The following LONP2 variants were observed in gnomAD, a reference collection of about 807,000 sequenced individuals.
LONP2 encodes the protein lon peptidase 2, peroxisomal.
Under a neutral mutation model 85.6 loss-of-function variants are expected in LONP2, and 60 were observed. The observed-to-expected ratio is 0.70, with a 90% confidence interval of 0.57 to 0.87. The LOEUF (loss-of-function observed/expected upper bound fraction) is 0.87. Ranked by LOEUF, LONP2 falls within the 40% of genes least tolerant of loss-of-function variation. LONP2 has a pLI of 0.00. For synonymous variants in LONP2, 395 were observed against 389.7 expected (o/e 1.01, Z -0.16); for missense variants, 860 against 1,063.5 (o/e 0.81, Z 2.66).
chr16:48,362,095 T>C, downstream of LONP2: 2 of 1,614,146 alleles, frequency 1.2e-6, no homozygotes, highest in Non-Finnish European at 1.7e-6. This position sits in a 1 kb window ranked among gnomAD's most constrained non-coding sequence, Gnocchi z 4.2. Flanking sequence ...GCTTTTTCTG[T>C]GTGTGGCAGA....
At chr16:48,308,400 G>A (rs569333093) in intron 11 of LONP2, among the ~76,000 whole-genome samples, 21 of 152,196 alleles carry the variant, frequency 1.4e-4, no homozygotes, top group African/African-American at 4.8e-4. Flanking sequence ...GCTGAGGTGG[G>A]TGGATCACTT....
chr16:48,256,958 C>T (rs1971773131), intron 3 of LONP2, among the ~76,000 whole-genome samples: 1 of 151,204 alleles, frequency 6.6e-6, no homozygotes, highest in Non-Finnish European at 1.5e-5. Context: ...ACAAGCAGCT[C>T]TTTTATTTGC....
In LONP2 at chr16:48,346,714, A is replaced by G. The variant is rs190079983; in HGVS notation, c.1939-793A>G. 5.0e-4 allele frequency among the ~76,000 whole-genome samples: 76 copies of G among 151,786 alleles called. 1 individual carries two copies. Among genetic ancestry groups the G allele is most frequent in the African/African-American group, 1.4e-3 (58 of 41,430 alleles). The stretch of plus-strand genomic sequence containing the variant: ...AGCGATCCTGTCGTCTCAGCCTCCC[A>G]AAGTGCTAGGATTACAGGCATGAGC... On this transcript the variant is annotated intron_variant, in intron 12 of 14. Coordinates refer to ENST00000285737, the MANE Select transcript of LONP2 (RefSeq NM_031490.5).
intron 2 of LONP2, among the ~76,000 whole-genome samples, chr16:48,253,629 T>C (rs1208959066): frequency 6.6e-6 from 1 of 152,224 alleles, no homozygotes; most frequent in Non-Finnish European, 1.5e-5. Context: ...CTTTTTCTTT[T>C]CAGCAGTGAT....
At position 48,246,724 on chromosome 16, in the gene LONP2, A is replaced by C. The variant is rs139809985; in HGVS notation, c.233+2103A>C. 3.9e-5 allele frequency among the ~76,000 whole-genome samples: 6 copies of C among 152,104 alleles called. No homozygotes were observed. In the East Asian group the frequency reaches 1.2e-3, roughly 30 times the overall value. On this transcript the variant is annotated intron_variant, in intron 1 of 14. Coordinates refer to ENST00000285737, the MANE Select transcript of LONP2 (RefSeq NM_031490.5). ...GGAGTGGCTGGGACTATAGGCGTGC[A>C]CCACTACACCCAGCTAATTTTTAAA... is the stretch of plus-strand genomic sequence containing the variant.
intron 4 of LONP2, among the ~76,000 whole-genome samples, chr16:48,259,053 T>C (rs1025354575): frequency 1.2e-4 from 19 of 152,258 alleles, no homozygotes; most frequent in Middle Eastern, 3.2e-3. Context: ...ATTTTTTTAC[T>C]GCATGTAATA....
chr16:48,340,578 A>AGGCACACTTTT (rs1228442487), intron 12 of LONP2, among the ~76,000 whole-genome samples: 2 of 152,226 alleles, frequency 1.3e-5, no homozygotes, highest in African/African-American at 2.4e-5. Context: ...TAAGGTAAGA[A>AGGCACACTTTT]GGCACACTTT....
At chr16:48,247,178 G>A (rs1971439461) in intron 1 of LONP2, 1 of 151,280 alleles carries the variant, frequency 6.6e-6, no homozygotes, top group Non-Finnish European at 1.5e-5. Context: ...AGTTTCCAAT[G>A]TCTTTTTTTC....
At chr16:48,339,130 C>T (rs1419475092) in intron 12 of LONP2, among the ~76,000 whole-genome samples, 1 of 151,920 alleles carries the variant, frequency 6.6e-6, no homozygotes, top group Non-Finnish European at 1.5e-5. Context: ...TGAAGAACAG[C>T]ATTATTTAGG....
chr16:48,325,430 A>C (rs1973350252), intron 11 of LONP2, among the ~76,000 whole-genome samples: 1 of 152,164 alleles, frequency 6.6e-6, no homozygotes, highest in Admixed American at 6.5e-5. Context: ...TCCCCTTGCC[A>C]GTCTCTTGTA....
At position 48,270,065 on chromosome 16, in the gene LONP2, C is replaced by T. The variant is rs371225691; in HGVS notation, c.1032C>T (p.Tyr344=). 81 of 1,613,922 alleles carry T rather than the reference C, an allele frequency of 5.0e-5. No individual in the cohort carries two copies. Among genetic ancestry groups the T allele is most frequent in the Non-Finnish European group, 6.2e-5 (73 of 1,179,924 alleles). The change falls in exon 7 of 15, where the codon TAC becomes TAT. Residue 344 remains tyrosine, a synonymous_variant. Transcript: ENST00000285737. ...GGATTCTTCTGGATAATGACCATTA[C>T]GCCATGGAAAAATTGAAGAAAAGAG... ...AARILLDNDH[Y]AMEKLKKRVL...
Position 48,345,916 on chromosome 16 carries a change from A to C in LONP2, c.1939-1591A>C, listed in dbSNP as rs183999605. The C allele has an allele frequency of 5.9e-5, 9 of 152,146 alleles. No homozygotes were observed. The East Asian group carries it at 1.7e-3, about 29-fold the overall frequency. 9.4% of individuals were successfully genotyped at this position (152,146 alleles called of 1,614,324 possible). On this transcript the variant is annotated intron_variant, in intron 12 of 14. Transcript: ENST00000285737. ...AAAAATTAGCTGGGTGTGGTGATAC[A>C]TGCCTGTAATCCCAGCTACTCGGAG... is the stretch of plus-strand genomic sequence containing the variant.
At chr16:48,316,650 C>G (rs1221983312) in intron 11 of LONP2, among the ~76,000 whole-genome samples, 2 of 152,078 alleles carry the variant, frequency 1.3e-5, no homozygotes, top group Non-Finnish European at 2.9e-5. Flanking sequence ...TATATATGGA[C>G]TCCAATAGAT....
chr16:48,286,420 C>T (rs1008586091), intron 8 of LONP2, among the ~76,000 whole-genome samples: 3 of 152,138 alleles, frequency 2.0e-5, no homozygotes, highest in African/African-American at 4.8e-5. Flanking sequence ...AGATTACAGT[C>T]GTGAGCCACC....
chr16:48,262,135 T>C (rs369692582), intron 5 of LONP2, among the ~76,000 whole-genome samples: 3 of 152,316 alleles, frequency 2.0e-5, no homozygotes, highest in African/African-American at 7.2e-5. Flanking sequence ...TTATATTGCC[T>C]CTGACATTAG....
chr16:48,311,831 A>G (rs916333881), intron 11 of LONP2, among the ~76,000 whole-genome samples: 8 of 152,070 alleles, frequency 5.3e-5, no homozygotes, highest in Non-Finnish European at 8.8e-5. Flanking sequence ...TGTGTTGCCC[A>G]GGCTAGTCTT....
At chr16:48,322,476 A>G (rs979038788) in intron 11 of LONP2, among the ~76,000 whole-genome samples, 7 of 152,214 alleles carry the variant, frequency 4.6e-5, no homozygotes, top group Non-Finnish European at 8.8e-5. Flanking sequence ...AGGCAGTAAC[A>G]TGCATGGATA....
intron 8 of LONP2, among the ~76,000 whole-genome samples, chr16:48,283,313 A>AT (rs111267666): frequency 0.012 from 1,861 of 152,288 alleles, 39 homozygotes; most frequent in African/African-American, 0.042. Flanking sequence ...TAAAAAACAG[A>AT]TTTTCTATGT....
At position 48,252,326 on chromosome 16, in the gene LONP2, A is replaced by G. The variant is rs1285700890; in HGVS notation, c.429A>G (p.Leu143=). ...FPNTCKMREE[L]GELSEQFYKY... ...ACACCTGTAAAATGAGGGAGGAGCTAGGAGAACTATCAGAGCAGTTTTACA... is the reference window on the plus strand; with the variant it reads ...ACACCTGTAAAATGAGGGAGGAGCTGGGAGAACTATCAGAGCAGTTTTACA... Residue 143 remains leucine (L), a synonymous_variant, in exon 2 of 15, where the codon CTA becomes CTG. Transcript: ENST00000285737. 4.3e-6 allele frequency: 7 copies of G among 1,613,124 alleles called. No homozygotes were observed. Among genetic ancestry groups the G allele is most frequent in the Non-Finnish European group, 5.1e-6 (6 of 1,179,614 alleles).
Sources: allele counts gnomAD v4.1 joint callset (sites outside exome capture counted in the v4.1 genomes callset), GRCh38; gene constraint gnomAD v4.1.1; non-coding constraint Gnocchi (gnomAD v3.1); transcripts MANE v1.5; gene names NCBI Gene and HGNC (gene_info 2026-07-23, HGNC 2026-07-21).